Variants in PAFAH2 observed in about 807,000 individuals in gnomAD.
PAFAH2 encodes platelet activating factor acetylhydrolase 2.
Under a neutral mutation model 49.0 loss-of-function variants are expected in PAFAH2, and 42 were observed. The ratio of observed to expected loss-of-function variants is 0.86; its 90% CI spans 0.67 to 1.11. The LOEUF is 1.11. Ranked by LOEUF, PAFAH2 falls within the 50% of genes least tolerant of loss-of-function variation. The probability of loss-of-function intolerance (pLI) is 0.00; values close to 1 mark genes in which losing one functional copy is unlikely to be tolerated. For synonymous variants in PAFAH2, 184 were observed against 181.3 expected, an observed-to-expected ratio of 1.01 and a Z score of -0.12; for missense variants, 503 against 501.8, an observed-to-expected ratio of 1.00 and a Z score of -0.02.
chr1:25,996,081 C>T (rs114274478), intron 1 of PAFAH2, among the ~76,000 whole-genome samples: 6,689 of 152,170 alleles, frequency 0.044, 533 homozygotes, highest in African/African-American at 0.15. Flanking sequence ...TATGGCCAGA[C>T]GCAGTGGCTC....
intron 1 of PAFAH2, 149 bp downstream of exon 1, chr1:25,997,876 C>T (rs1192897487): frequency 2.0e-5 from 3 of 152,224 alleles, no homozygotes; most frequent in Admixed American, 2.0e-4. Flanking sequence ...GAGCGGGTGG[C>T]TACAGGTGTC....
chr1:25,970,871 T>A (rs1231370977), intron 10 of PAFAH2, among the ~76,000 whole-genome samples: 2 of 152,022 alleles, frequency 1.3e-5, no homozygotes, highest in Non-Finnish European at 2.9e-5. Flanking sequence ...TTACAGATGT[T>A]GAGCTACCAC....
At chr1:25,970,603 T>C (rs2049491657) in intron 10 of PAFAH2, among the ~76,000 whole-genome samples, 1 of 152,152 alleles carries the variant, frequency 6.6e-6, no homozygotes, top group African/African-American at 2.4e-5. Flanking sequence ...ATTTTATTTT[T>C]TGGAGACGGT....
chr1:25,997,729 G>C (rs936745147), intron 1 of PAFAH2: 14 of 153,016 alleles, frequency 9.1e-5, no homozygotes, highest in African/African-American at 3.4e-4. Context: ...GCAGGGTGAA[G>C]GTAGGGCCGA....
Position 25,984,502 on chromosome 1 carries a change from T to A in PAFAH2, c.368A>T (p.Glu123Val). ...AACCACAAAGCCACGTGAGGCCAGCTCCATGCAGAAGGCTGAATACAAAGT... is the reference window on the plus strand; with the variant it reads ...AACCACAAAGCCACGTGAGGCCAGCACCATGCAGAAGGCTGAATACAAAGT... ...FRTLYSAFCM[E>V]LASRGFVVAV... Residue 123 changes from glutamate (E) to valine (V), a missense_variant, in exon 5 of 11, where the codon GAG (glutamate) becomes GTG (valine). By Grantham distance (121) the Glu-to-Val change is moderately radical. Coordinates refer to ENST00000374282, the MANE Select transcript of PAFAH2 (RefSeq NM_000437.4). 6.2e-7 allele frequency: 1 copy of A among 1,613,834 alleles called. No individual in the cohort carries two copies. Among genetic ancestry groups the A allele is most frequent in the Non-Finnish European group, 8.5e-7 (1 of 1,179,946 alleles).
At chr1:25,993,774 G>C (rs1413010367) in intron 1 of PAFAH2, among the ~76,000 whole-genome samples, 4 of 151,992 alleles carry the variant, frequency 2.6e-5, no homozygotes, top group Non-Finnish European at 5.9e-5. Context: ...CCTACTGCTG[G>C]GGCCACAAGA....
At chr1:25,962,146 G>T in intron 10 of PAFAH2, 63 bp from the exon 11 acceptor site, 2 of 1,348,026 alleles carry the variant, frequency 1.5e-6, no homozygotes, top group Non-Finnish European at 1.1e-6. Flanking sequence ...AAGAGTAGCT[G>T]ACATGCATTG....
chr1:25,986,485 T>A (rs1572360494), intron 4 of PAFAH2, among the ~76,000 whole-genome samples: 1 of 152,208 alleles, frequency 6.6e-6, no homozygotes, highest in Admixed American at 6.5e-5. Flanking sequence ...TGGACCTGCA[T>A]TGAGGTAAGA....
At chr1:25,986,757 C>T (rs976165154) in intron 4 of PAFAH2, among the ~76,000 whole-genome samples, 1 of 151,854 alleles carries the variant, frequency 6.6e-6, no homozygotes, top group Non-Finnish European at 1.5e-5. Flanking sequence ...TCTCGAACTC[C>T]CAACCTCAGG....
chr1:25,991,105 C>A (rs1188896918), intron 1 of PAFAH2, among the ~76,000 whole-genome samples: 1 of 152,216 alleles, frequency 6.6e-6, no homozygotes, highest in African/African-American at 2.4e-5. Flanking sequence ...ATACTCCTTA[C>A]AGCCCATTAA....
chr1:25,993,328 T>C (rs546115920), intron 1 of PAFAH2, among the ~76,000 whole-genome samples: 6 of 152,114 alleles, frequency 3.9e-5, no homozygotes, highest in Non-Finnish European at 8.8e-5. Flanking sequence ...CATGTCTGGG[T>C]AAGAAGAGAC....
chr1:25,986,782 C>T (rs1193146023), intron 4 of PAFAH2, among the ~76,000 whole-genome samples: 1 of 151,958 alleles, frequency 6.6e-6, no homozygotes, highest in African/African-American at 2.4e-5. Flanking sequence ...CCACCCACCT[C>T]GGCCTCCCAA....
At chr1:25,997,679 G>A (rs2049955181) in intron 1 of PAFAH2, 1 of 152,714 alleles carries the variant, frequency 6.5e-6, no homozygotes, top group Non-Finnish European at 1.5e-5. Flanking sequence ...ACAAAGGGTG[G>A]AGGAGCATAA....
chr1:25,997,999 T>C (rs146419046), intron 1 of PAFAH2, 26 bp downstream of exon 1: 1 of 152,312 alleles, frequency 6.6e-6, no homozygotes, highest in African/African-American at 2.4e-5. Context: ...AATTGAGATA[T>C]AGGTGTTTTC....
At chr1:25,965,970 A>AT (rs2049415926) in intron 10 of PAFAH2, among the ~76,000 whole-genome samples, 1 of 151,802 alleles carries the variant, frequency 6.6e-6, no homozygotes, top group South Asian at 2.1e-4. Flanking sequence ...ATGAATAGAC[A>AT]TTTTTTTCAA....
intron 9 of PAFAH2, 49 bp from the exon 10 acceptor site, chr1:25,972,761 C>T: frequency 1.2e-6 from 2 of 1,605,046 alleles, no homozygotes; most frequent in Non-Finnish European, 8.5e-7. Flanking sequence ...CTAGGGCATA[C>T]AGATGTGTGT....
intron 7 of PAFAH2, 133 bp downstream of exon 7, chr1:25,982,231 C>A: frequency 1.5e-6 from 1 of 648,780 alleles, no homozygotes; most frequent in Non-Finnish European, 2.7e-6. Context: ...CTAAAGTTGG[C>A]CTTTGATCTT....
chr1:25,962,934 C>T (rs561077714), intron 10 of PAFAH2, among the ~76,000 whole-genome samples: 89 of 152,170 alleles, frequency 5.8e-4, no homozygotes, highest in African/African-American at 2.0e-3. Flanking sequence ...TCCAGGACCA[C>T]TTCAGTGAAG....
rs752532536 is a variant in PAFAH2 at position 25,974,517 on chromosome 1, A to T, written c.892T>A (p.Cys298Ser). ...MESVNLMKKI[C>S]AQHEQSRIIT... ...ATCCTAGACTGTTCATGCTGGGCAC[A>T]TATCTTCTTCATCAAATTGACACTC... The change falls in exon 9 of 11, where the codon TGT (cysteine) becomes AGT (serine). Residue 298 changes from cysteine (C) to serine (S), a missense_variant. Transcript: ENST00000374282. The T allele has an allele frequency of 6.2e-7, 1 of 1,614,040 alleles. No homozygotes were observed. The highest frequency in any genetic ancestry group is 1.7e-5 in the Admixed American group (1 of 60,010).
Sources: allele counts gnomAD v4.1 joint callset (sites outside exome capture counted in the v4.1 genomes callset), GRCh38; gene constraint gnomAD v4.1.1; transcripts MANE v1.5; gene names NCBI Gene and HGNC (gene_info 2026-07-23, HGNC 2026-07-21).